CPED1: variants seen among roughly 807,000 people sequenced by gnomAD.
The protein encoded by CPED1 is cadherin like and PC-esterase domain containing 1, also known as cadherin-like and PC-esterase domain-containing protein 1.
Under a neutral mutation model 128.2 loss-of-function variants are expected in CPED1, and 114 were observed. That is an observed-to-expected ratio of 0.89 (90% CI 0.76 to 1.04). CPED1 has a LOEUF of 1.04. Among genes scored for constraint, CPED1 ranks in the 50% least tolerant of loss-of-function variants. CPED1 has a pLI of 0.00. For missense variants in CPED1, 1,211 were observed against 1,207.1 expected (o/e 1.00, Z -0.05); for synonymous variants, 462 against 426.7 (o/e 1.08, Z -1.02).
At chr7:121,121,242 T>A (rs1020302307) in intron 7 of CPED1, among the ~76,000 whole-genome samples, 4 of 152,216 alleles carry the variant, frequency 2.6e-5, no homozygotes, top group Admixed American at 2.6e-4. Context: ...TACTTTTAAG[T>A]GCATTCTGTT....
At chr7:121,131,631 T>C (rs562982156) in intron 12 of CPED1, among the ~76,000 whole-genome samples, 1 of 152,148 alleles carries the variant, frequency 6.6e-6, no homozygotes, top group East Asian at 1.9e-4. Flanking sequence ...ATTTAGAAGA[T>C]TGAATTCTCT....
intron 13 of CPED1, 130 bp from the exon 14 acceptor site, chr7:121,135,910 G>T (rs2116349854): frequency 1.7e-6 from 1 of 580,226 alleles, no homozygotes; most frequent in Middle Eastern, 5.1e-4. Flanking sequence ...GTTTGACTTA[G>T]AAGTGTTCAC....
At chr7:121,066,560 A>G (rs904989054) in intron 5 of CPED1, among the ~76,000 whole-genome samples, 3 of 151,990 alleles carry the variant, frequency 2.0e-5, no homozygotes, top group Non-Finnish European at 2.9e-5. Flanking sequence ...CTCCCTTTAC[A>G]TGATAAATTA....
intron 4 of CPED1, among the ~76,000 whole-genome samples, chr7:121,059,205 C>G (rs971864122): frequency 6.6e-6 from 1 of 151,994 alleles, no homozygotes; most frequent in African/African-American, 2.4e-5. Flanking sequence ...ATTAGCAGTC[C>G]CTAAAGCTAG....
intron 18 of CPED1, among the ~76,000 whole-genome samples, chr7:121,251,802 G>C (rs1294591104): frequency 1.4e-5 from 2 of 144,280 alleles, no homozygotes; most frequent in African/African-American, 5.1e-5. Flanking sequence ...CACTGCTCAA[G>C]GAAATAAAAG....
intron 12 of CPED1, among the ~76,000 whole-genome samples, chr7:121,131,053 C>T (rs1795653194): frequency 6.6e-6 from 1 of 151,990 alleles, no homozygotes; most frequent in Non-Finnish European, 1.5e-5. Context: ...CCTAAACCTC[C>T]TAGGGAGATG....
chr7:121,003,050 T>C (rs1791907118), intron 2 of CPED1, among the ~76,000 whole-genome samples: 1 of 152,220 alleles, frequency 6.6e-6, no homozygotes, highest in Non-Finnish European at 1.5e-5. Flanking sequence ...GTCGAATGAA[T>C]GGATGAACAA....
chr7:121,265,256 G>A (rs1792100311), intron 18 of CPED1, among the ~76,000 whole-genome samples: 1 of 152,002 alleles, frequency 6.6e-6, no homozygotes, highest in Admixed American at 6.6e-5. Flanking sequence ...CCTTGCATTT[G>A]GAGTTAAAGT....
intron 16 of CPED1, among the ~76,000 whole-genome samples, chr7:121,160,817 G>A (rs1376788518): frequency 6.6e-6 from 1 of 152,116 alleles, no homozygotes; most frequent in Non-Finnish European, 1.5e-5. Flanking sequence ...AGCAGGAGAT[G>A]AAAAGATACC....
chr7:121,091,968 A>T (rs1338057235), intron 5 of CPED1, among the ~76,000 whole-genome samples: 1 of 152,182 alleles, frequency 6.6e-6, no homozygotes, highest in Non-Finnish European at 1.5e-5. Flanking sequence ...GCAATTTGGT[A>T]AAACAAATGA....
intron 17 of CPED1, among the ~76,000 whole-genome samples, chr7:121,242,783 G>A (rs986822973): frequency 1.3e-5 from 2 of 151,840 alleles, no homozygotes; most frequent in Non-Finnish European, 2.9e-5. Flanking sequence ...TTCCTTTCCT[G>A]GAGTTCATAC....
chr7:121,036,826 GC>G (rs1792908498), intron 3 of CPED1, among the ~76,000 whole-genome samples: 1 of 151,754 alleles, frequency 6.6e-6, no homozygotes, highest in South Asian at 2.1e-4. Flanking sequence ...TTTGATTATG[GC>G]CATTCTTGCA....
At chr7:121,246,392 C>T (rs1032536618) in intron 18 of CPED1, among the ~76,000 whole-genome samples, 3 of 152,206 alleles carry the variant, frequency 2.0e-5, no homozygotes, top group Non-Finnish European at 2.9e-5. Context: ...AAAGACCAGA[C>T]ACTTATTTCT....
chr7:121,266,873 T>A (rs1020486352), intron 20 of CPED1, 65 bp downstream of exon 20: 24 of 1,125,014 alleles, frequency 2.1e-5, no homozygotes, highest in Non-Finnish European at 3.1e-5. Context: ...TGGATGTGAC[T>A]GAGTTTTATC....
At chr7:121,122,202 G>A (rs1251994053) in intron 7 of CPED1, among the ~76,000 whole-genome samples, 10 of 144,614 alleles carry the variant, frequency 6.9e-5, no homozygotes, top group African/African-American at 1.8e-4. Flanking sequence ...GTGCATTGGT[G>A]TGATCTCGGA....
chr7:121,080,837 G>T (rs548145855), intron 5 of CPED1, among the ~76,000 whole-genome samples: 1 of 152,050 alleles, frequency 6.6e-6, no homozygotes, highest in Admixed American at 6.6e-5. Flanking sequence ...TCCTTCTGGT[G>T]GTAGAGACAG....
intron 18 of CPED1, among the ~76,000 whole-genome samples, chr7:121,254,161 A>T (rs1412887150): frequency 6.6e-6 from 1 of 152,110 alleles, no homozygotes; most frequent in East Asian, 1.9e-4. Context: ...ATGCTTGAAC[A>T]TAAAGCAAAT....
At chr7:121,129,327 A>ACG (rs1381126593) in intron 11 of CPED1, among the ~76,000 whole-genome samples, 3 of 133,742 alleles carry the variant, frequency 2.2e-5, no homozygotes, top group Non-Finnish European at 4.9e-5. Context: ...ATATATATAT[A>ACG]TATATATACG....
At chr7:121,175,135 T>C (rs918382065) in intron 16 of CPED1, among the ~76,000 whole-genome samples, 7 of 152,106 alleles carry the variant, frequency 4.6e-5, no homozygotes, top group Admixed American at 1.3e-4. Flanking sequence ...GACCGTGGGG[T>C]TTTCTAGATA....
Sources: gnomAD v4.1 joint callset for allele counts (sites outside exome capture counted in the v4.1 genomes callset) on GRCh38, gnomAD v4.1.1 for gene constraint, MANE v1.5 for transcripts, NCBI Gene and HGNC (gene_info 2026-07-23, HGNC 2026-07-21) for gene names.